The following SNX10 variants were observed in gnomAD, a reference collection of about 807,000 sequenced individuals.
The protein encoded by SNX10 is sorting nexin 10, also known as sorting nexin-10.
SNX10 carries 25 observed loss-of-function variants against 28.5 expected under a neutral mutation model. That is an observed-to-expected ratio of 0.88 (90% CI 0.64 to 1.22). SNX10 has a LOEUF of 1.22. Ranked by LOEUF, SNX10 falls within the 50% of genes most tolerant of loss-of-function variation. The probability of loss-of-function intolerance (pLI) is 0.00; values close to 1 mark genes in which losing one functional copy is unlikely to be tolerated. For missense variants in SNX10, 223 were observed against 242.6 expected, an observed-to-expected ratio of 0.92 and a Z score of 0.54; for synonymous variants, 62 against 81.4, an observed-to-expected ratio of 0.76 and a Z score of 1.28.
In SNX10 at chr7:26,325,306, A is replaced by ATATATATATATATATATATATATAT. The variant is rs1787457774; in HGVS notation, c.-23-21114_-23-21113insTATATATATATATATATATATATAT. 1.1e-3 allele frequency among the ~76,000 whole-genome samples: 58 copies of ATATATATATATATATATATATATAT among 51,374 alleles called. 1 individual carries two copies. The highest frequency in any genetic ancestry group is 3.1e-3 in the Non-Finnish European group (55 of 17,948). 33.7% of individuals were successfully genotyped at this position (51,374 alleles called of 152,430 possible). On this transcript the variant is annotated intron_variant, in intron 1 of 6. Coordinates refer to ENST00000338523, the MANE Select transcript of SNX10 (RefSeq NM_013322.3). ...AATTTTTTTCTACTGAAGTTTGCAA[A>ATATATATATATATATATATATATAT]ATATATATATATATATATATATTTG...
intron 2 of SNX10, among the ~76,000 whole-genome samples, chr7:26,359,446 C>T (rs1788977584): frequency 6.6e-6 from 1 of 152,120 alleles, no homozygotes; most frequent in Non-Finnish European, 1.5e-5. Context: ...CAGATGTGCC[C>T]CAACAAGCAA....
intron 1 of SNX10, among the ~76,000 whole-genome samples, chr7:26,338,972 T>TAGGA (rs766307056): frequency 6.6e-6 from 1 of 152,188 alleles, no homozygotes; most frequent in Non-Finnish European, 1.5e-5. Context: ...AGGAGCAATT[T>TAGGA]AGGAAGGTTC....
In SNX10 at chr7:26,345,476, C is replaced by T. The variant is rs1382284479; in HGVS notation, c.-23-944C>T. 3.9e-5 allele frequency among the ~76,000 whole-genome samples: 6 copies of T among 152,172 alleles called. No homozygotes were observed. The East Asian group carries it at 1.2e-3, about 29-fold the overall frequency. On this transcript the variant is annotated intron_variant, in intron 1 of 6. Coordinates refer to ENST00000338523, the MANE Select transcript of SNX10 (RefSeq NM_013322.3). ...CCTCTTGGAAAGCTTCCTGCTGCTG[C>T]TCGGGTGCAGCTCGCTTGCCCCTTC...
rs77095353 is a variant in SNX10 at position 26,329,431 on chromosome 7, G to A, written c.-23-16989G>A. ...ACCCACATATGAAGTAGTCCTCACC[G>A]AGTCCTGGTAGTCACTCTCAAAAAC... On this transcript the variant is annotated intron_variant, in intron 1 of 6. Transcript: ENST00000338523. Among the ~76,000 whole-genome samples, 1,108 of 152,280 alleles carry A rather than the reference G, an allele frequency of 7.3e-3. 10 individuals are homozygous for A. The highest frequency in any genetic ancestry group is 0.023 in the African/African-American group (947 of 41,546).
At chr7:26,326,050 C>T (rs944741399) in intron 1 of SNX10, among the ~76,000 whole-genome samples, 5 of 152,170 alleles carry the variant, frequency 3.3e-5, no homozygotes, top group Middle Eastern at 3.4e-3. Flanking sequence ...TTTAAAAATA[C>T]GTTATGAATA....
At chr7:26,360,280 T>C (rs1432927388) in intron 2 of SNX10, among the ~76,000 whole-genome samples, 1 of 152,024 alleles carries the variant, frequency 6.6e-6, no homozygotes, top group African/African-American at 2.4e-5. Flanking sequence ...TGATACAGGG[T>C]CTCGCTCTTT....
intron 6 of SNX10, 93 bp from the exon 7 acceptor site, chr7:26,372,398 A>G: frequency 1.2e-6 from 1 of 800,618 alleles, no homozygotes; most frequent in South Asian, 1.5e-5. Context: ...GTGACTGGAG[A>G]TAATTAAAGT....
At chr7:26,296,979 G>T (rs1053125484) in intron 1 of SNX10, among the ~76,000 whole-genome samples, 1 of 152,222 alleles carries the variant, frequency 6.6e-6, no homozygotes, top group African/African-American at 2.4e-5. Context: ...CTCTCAATTT[G>T]GAAAAGATTA....
chr7:26,302,891 G>A (rs1238807766), intron 1 of SNX10, among the ~76,000 whole-genome samples: 1 of 152,162 alleles, frequency 6.6e-6, no homozygotes, highest in East Asian at 1.9e-4. Context: ...GGAGGTTGCA[G>A]TGAGCCGAAA....
chr7:26,297,790 C>G (rs546593846), intron 1 of SNX10, among the ~76,000 whole-genome samples: 1 of 152,278 alleles, frequency 6.6e-6, no homozygotes, highest in African/African-American at 2.4e-5. Flanking sequence ...GCCTCTCTCT[C>G]ACCTCTTATT....
At chr7:26,305,624 C>G (rs1166188437) in intron 1 of SNX10, among the ~76,000 whole-genome samples, 1 of 152,190 alleles carries the variant, frequency 6.6e-6, no homozygotes, top group African/African-American at 2.4e-5. Context: ...TGAGCTCTTT[C>G]TGTCTAAACA....
At position 26,301,143 on chromosome 7, in the gene SNX10, A is replaced by G. The variant is rs1023684468; in HGVS notation, c.-24+9057A>G. Among the ~76,000 whole-genome samples, 11 of 151,904 alleles carry G rather than the reference A, an allele frequency of 7.2e-5. No individual in the cohort carries two copies. The South Asian group carries it at 2.1e-3, about 29-fold the overall frequency. ...TCATTGGTGTTTTCTCAGCATCACT[A>G]TCCCTTCCCAAATCCCCCCAAAAAC... On this transcript the variant is annotated intron_variant, in intron 1 of 6. Coordinates refer to ENST00000338523, the MANE Select transcript of SNX10 (RefSeq NM_013322.3).
chr7:26,310,750 C>G (rs12700722), intron 1 of SNX10, among the ~76,000 whole-genome samples: 2 of 151,380 alleles, frequency 1.3e-5, no homozygotes, highest in Non-Finnish European at 2.9e-5. Flanking sequence ...GGCGCCATCT[C>G]GGCTCACTGC....
intron 5 of SNX10, among the ~76,000 whole-genome samples, chr7:26,371,557 A>C (rs1384914064): frequency 2.0e-5 from 3 of 152,188 alleles, no homozygotes; most frequent in Admixed American, 1.3e-4. Flanking sequence ...AGATGGGTAA[A>C]TTGAAGAAAT....
intron 1 of SNX10, among the ~76,000 whole-genome samples, chr7:26,309,368 C>CAAAAAAAAAAA (rs66530736): frequency 7.1e-6 from 1 of 140,310 alleles, no homozygotes; most frequent in Non-Finnish European, 1.5e-5. Context: ...CTTAATCATC[C>CAAAAAAAAAAA]AAAAAAAAAA....
At chr7:26,330,270 G>A (rs1562799609) in intron 1 of SNX10, among the ~76,000 whole-genome samples, 1 of 152,148 alleles carries the variant, frequency 6.6e-6, no homozygotes, top group Admixed American at 6.5e-5. Context: ...GGCATGAGGA[G>A]CAGGAAGCTG....
chr7:26,360,516 C>T, intron 2 of SNX10: 1 of 166,040 alleles, frequency 6.0e-6, no homozygotes, highest in Non-Finnish European at 1.3e-5. Context: ...GCTGGGATTA[C>T]AGGTGTGAGC....
intron 2 of SNX10, chr7:26,353,925 G>C (rs185395546): frequency 4.6e-5 from 7 of 152,270 alleles, no homozygotes; most frequent in Admixed American, 3.9e-4. Flanking sequence ...ACTGAGACAA[G>C]TTTACATTTT....
At chr7:26,370,713 G>C (rs993632308) in intron 5 of SNX10, 1 of 152,122 alleles carries the variant, frequency 6.6e-6, no homozygotes, top group African/African-American at 2.4e-5. Context: ...GTTTAAACAA[G>C]CAGAATATAA....
Sources: gnomAD v4.1 joint callset for allele counts (sites outside exome capture counted in the v4.1 genomes callset) on GRCh38, gnomAD v4.1.1 for gene constraint, MANE v1.5 for transcripts, NCBI Gene and HGNC (gene_info 2026-07-23, HGNC 2026-07-21) for gene names.